LRP6: variants seen among roughly 807,000 people sequenced by gnomAD.
LRP6 encodes low-density lipoprotein receptor-related protein 6.
LRP6 carries 43 observed loss-of-function variants against 184.1 expected under a neutral mutation model. That is an observed-to-expected ratio of 0.23 (90% CI 0.18 to 0.30). The LOEUF is 0.30. Among genes scored for constraint, LRP6 ranks in the 10% least tolerant of loss-of-function variants. The pLI is 1.00. For missense variants in LRP6, 1,571 were observed against 2,005.3 expected, an observed-to-expected ratio of 0.78 and a Z score of 4.14; for synonymous variants, 719 against 684.9, an observed-to-expected ratio of 1.05 and a Z score of -0.78.
At chr12:12,250,245 A>C (rs1865293186) in intron 1 of LRP6, among the ~76,000 whole-genome samples, 1 of 152,096 alleles carries the variant, frequency 6.6e-6, no homozygotes, top group African/African-American at 2.4e-5. Context: ...TAGGACTCTA[A>C]ATTAATCTTT....
chr12:12,159,094 T>G lies in LRP6; in HGVS notation c.2526A>C (p.Gln842His). 1.2e-6 allele frequency: 2 copies of G among 1,614,176 alleles called. No individual in the cohort carries two copies. The highest frequency in any genetic ancestry group is 1.7e-6 in the Non-Finnish European group (2 of 1,180,026). The change falls in exon 12 of 23, where the codon CAA (glutamine) becomes CAC (histidine). Residue 842 changes from glutamine to histidine, a missense_variant. Coordinates refer to ENST00000261349, the MANE Select transcript of LRP6 (RefSeq NM_002336.3). ...TCCAGTCCGTCCAGTAGATATAATCTTGGTACTGAGTTAAGCCAAAAGGAT... is the reference window on the plus strand; with the variant it reads ...TCCAGTCCGTCCAGTAGATATAATCGTGGTACTGAGTTAAGCCAAAAGGAT... Reference protein sequence around the residue: ...LPHPFGLTQYQDYIYWTDWSR... With the variant: ...LPHPFGLTQYHDYIYWTDWSR...
intron 2 of LRP6, among the ~76,000 whole-genome samples, chr12:12,220,588 T>C (rs974090585): frequency 2.9e-5 from 4 of 140,260 alleles, no homozygotes; most frequent in Non-Finnish European, 6.1e-5. Flanking sequence ...CACTAACGCA[T>C]ATTTTTCTTA....
intron 2 of LRP6, among the ~76,000 whole-genome samples, chr12:12,239,385 G>GA (rs1865003300): frequency 1.3e-5 from 2 of 152,124 alleles, no homozygotes; most frequent in Admixed American, 1.3e-4. Context: ...GATGGAGGAA[G>GA]GAAAGGCACG....
intron 7 of LRP6, among the ~76,000 whole-genome samples, chr12:12,169,659 T>A (rs2136961668): frequency 6.6e-6 from 1 of 152,326 alleles, no homozygotes; most frequent in South Asian, 2.1e-4. Flanking sequence ...CTCAAAATAG[T>A]TCCTGAGAAG....
In LRP6 at chr12:12,266,772, G is replaced by T; in HGVS notation, c.-37C>A. The T allele has an allele frequency of 5.0e-6, 8 of 1,588,128 alleles. No homozygotes were observed. Among genetic ancestry groups the T allele is most frequent in the Non-Finnish European group, 6.9e-6 (8 of 1,162,510 alleles). On this transcript the variant is annotated 5_prime_UTR_variant, in exon 1 of 23. Coordinates refer to ENST00000261349, the MANE Select transcript of LRP6 (RefSeq NM_002336.3). ...GCGTTCTCTTCTCTCACCGGCGAGG[G>T]GTGGCCAGAAGTGGGGGAGGCGAGG...
chr12:12,158,934 T>C lies in LRP6; in HGVS notation c.2686A>G (p.Ser896Gly), dbSNP rs1862668683. The C allele has an allele frequency of 6.2e-7, 1 of 1,614,212 alleles. No individual in the cohort carries two copies. The highest frequency in any genetic ancestry group is 8.5e-7 in the Non-Finnish European group (1 of 1,180,036). Residue 896 changes from serine to glycine, a missense_variant, in exon 12 of 23, where the codon AGC becomes GGC. Ser to Gly is a moderately conservative substitution (Grantham distance 56, BLOSUM62 0). Around this residue, in one of 4 missense-constraint regions of LRP6, gnomAD observed 158 missense variants for 258.4 expected, o/e 0.61. Coordinates refer to ENST00000261349, the MANE Select transcript of LRP6 (RefSeq NM_002336.3). ...RQSGWNECAS[S>G]NGHCSHLCLA... Reference sequence around the variant, plus strand: ...CAGAGGTGGGAGCAGTGCCCATTGCTGGAAGCACATTCATTCCACCCTGAC... The same window carrying C: ...CAGAGGTGGGAGCAGTGCCCATTGCCGGAAGCACATTCATTCCACCCTGAC...
intron 19 of LRP6, among the ~76,000 whole-genome samples, chr12:12,128,524 G>C (rs755517046): frequency 2.0e-5 from 3 of 152,042 alleles, no homozygotes; most frequent in Non-Finnish European, 2.9e-5. Context: ...GCTTCAGTGG[G>C]ATATTCCATG....
chr12:12,165,686 T>C (rs1862860848), intron 7 of LRP6, among the ~76,000 whole-genome samples: 1 of 152,226 alleles, frequency 6.6e-6, no homozygotes. Flanking sequence ...CATCTTTTAT[T>C]TTATCTTGAG....
In LRP6 at chr12:12,147,560, G is replaced by C. The variant is rs1950027503; in HGVS notation, c.3207-4C>G. The C allele has an allele frequency of 5.0e-6, 8 of 1,610,158 alleles. No homozygotes were observed. The highest frequency in any genetic ancestry group is 6.8e-6 in the Non-Finnish European group (8 of 1,176,706). ...AAGATTGGTAAAATACATATACCTA[G>C]AGGGAAAGGAGGAAAAAAATAAGTT... On this transcript the variant is annotated splice_polypyrimidine_tract_variant and splice_region_variant and intron_variant, in intron 14 of 22. Transcript: ENST00000261349.
In LRP6 at chr12:12,236,193, C is replaced by T. The variant is rs546860094; in HGVS notation, c.449+8069G>A. Among the ~76,000 whole-genome samples, 6 of 152,178 alleles carry T rather than the reference C, an allele frequency of 3.9e-5. No individual in the cohort carries two copies. The South Asian group carries it at 1.2e-3, about 32-fold the overall frequency. ...AGTGAGCCAAGATGGCGCCACTGCA[C>T]TCCAGCCTGGGCGACAGAGCAAAAC... On this transcript the variant is annotated intron_variant, in intron 2 of 22. Transcript: ENST00000261349.
intron 4 of LRP6, among the ~76,000 whole-genome samples, chr12:12,185,007 A>G (rs1863435236): frequency 6.6e-6 from 1 of 152,112 alleles, no homozygotes; most frequent in Admixed American, 6.5e-5. Flanking sequence ...AAAAAGAAAA[A>G]CAAGAGGCCA....
chr12:12,256,918 T>C (rs1453451216), intron 1 of LRP6, among the ~76,000 whole-genome samples: 1 of 152,162 alleles, frequency 6.6e-6, no homozygotes, highest in Non-Finnish European at 1.5e-5. Flanking sequence ...AATATATCCA[T>C]ACAATGGATT....
intron 2 of LRP6, among the ~76,000 whole-genome samples, chr12:12,207,671 G>T (rs1301683417): frequency 1.3e-5 from 2 of 152,144 alleles, no homozygotes; most frequent in African/African-American, 4.8e-5. Flanking sequence ...CTGCCAAGAA[G>T]AGCCTTAAGT....
At chr12:12,174,175 G>C (rs903461887) in intron 7 of LRP6, among the ~76,000 whole-genome samples, 1 of 151,716 alleles carries the variant, frequency 6.6e-6, no homozygotes, top group African/African-American at 2.4e-5. Flanking sequence ...GCAGTGGCCT[G>C]ATCTCGGCTC....
chr12:12,150,265 T>C (rs1390757425), intron 13 of LRP6, among the ~76,000 whole-genome samples: 1 of 152,164 alleles, frequency 6.6e-6, no homozygotes, highest in Admixed American at 6.6e-5. Context: ...CATCCCACAG[T>C]CACCATATAA....
Position 12,138,700 on chromosome 12 carries a change from C to G in LRP6, c.3398-166G>C, listed in dbSNP as rs114989381. On this transcript the variant is annotated intron_variant, in intron 15 of 22. Coordinates refer to ENST00000261349, the MANE Select transcript of LRP6 (RefSeq NM_002336.3). ...TCATGGTAAGACATACACTAGAAAA[C>G]AGCCAATAAACTAGATATTAATATG... The G allele has an allele frequency of 4.3e-4, 584 of 1,356,670 alleles. 2 individuals are homozygous for G. In the African/African-American group the frequency reaches 6.8e-3, roughly 16 times the overall value. 84.0% of individuals were successfully genotyped at this position (1,356,670 alleles called of 1,614,324 possible).
At chr12:12,235,952 G>A (rs1864920301) in intron 2 of LRP6, among the ~76,000 whole-genome samples, 1 of 152,048 alleles carries the variant, frequency 6.6e-6, no homozygotes, top group South Asian at 2.1e-4. Flanking sequence ...GCGGCTGGAC[G>A]CGGTGGCTCA....
intron 2 of LRP6, among the ~76,000 whole-genome samples, chr12:12,222,088 C>CA (rs1463255382): frequency 6.6e-6 from 1 of 152,096 alleles, no homozygotes; most frequent in Non-Finnish European, 1.5e-5. Flanking sequence ...AAAAGCTCTA[C>CA]AAATTGGGAA....
chr12:12,244,974 G>A (rs1398204167), intron 1 of LRP6, among the ~76,000 whole-genome samples: 1 of 152,178 alleles, frequency 6.6e-6, no homozygotes, highest in African/African-American at 2.4e-5. Context: ...ATACTCTACT[G>A]GGGTGAATGT....
Sources: allele counts gnomAD v4.1 joint callset (sites outside exome capture counted in the v4.1 genomes callset), GRCh38; gene constraint gnomAD v4.1.1; regional missense constraint gnomAD v4.1.1; transcripts MANE v1.5; gene names NCBI Gene and HGNC (gene_info 2026-07-23, HGNC 2026-07-21).